Variants in USP32 observed in about 807,000 individuals in gnomAD.
The protein encoded by USP32 is ubiquitin carboxyl-terminal hydrolase 32.
USP32 carries 59 observed loss-of-function variants against 204.8 expected under a neutral mutation model. The ratio of observed to expected loss-of-function variants is 0.29; its 90% CI spans 0.23 to 0.36. The LOEUF (loss-of-function observed/expected upper bound fraction) is 0.36. USP32 is among the 10% of genes least tolerant of loss of function. The probability of loss-of-function intolerance (pLI) is 1.00; values close to 1 mark genes in which losing one functional copy is unlikely to be tolerated. For missense variants in USP32, 1,160 were observed against 1,946.4 expected (o/e 0.60, Z 7.60); for synonymous variants, 517 against 678.4 (o/e 0.76, Z 3.70).
chr17:60,322,002 T>C (rs79029332), intron 2 of USP32, among the ~76,000 whole-genome samples: 3,201 of 151,912 alleles, frequency 0.021, 133 homozygotes, highest in African/African-American at 0.073. Flanking sequence ...GAAAACTTAA[T>C]AAACAGAAAT....
intron 1 of USP32, among the ~76,000 whole-genome samples, chr17:60,368,085 A>C: frequency 6.6e-6 from 1 of 152,176 alleles, no homozygotes; most frequent in East Asian, 1.9e-4. Context: ...CCAATTCCCC[A>C]CAGACACCAA....
At chr17:60,226,360 A>G (rs895433149) in intron 12 of USP32, 129 bp from the exon 13 acceptor site, 3 of 735,234 alleles carry the variant, frequency 4.1e-6, no homozygotes, top group African/African-American at 1.9e-5. Flanking sequence ...ATTTAAAAAC[A>G]TTCTAATACA....
At chr17:60,363,531 T>G (rs956512148) in intron 1 of USP32, among the ~76,000 whole-genome samples, 4 of 146,038 alleles carry the variant, frequency 2.7e-5, no homozygotes, top group African/African-American at 1.0e-4. Context: ...AAAAAAAAAA[T>G]TTGAGACAGG....
At chr17:60,411,173 A>G (rs1177104890) in intron 1 of USP32, among the ~76,000 whole-genome samples, 2 of 152,088 alleles carry the variant, frequency 1.3e-5, no homozygotes, top group African/African-American at 2.4e-5. Context: ...TGCTAAAAAT[A>G]CAAAATTAGC....
At chr17:60,204,010 T>A (rs922167627) in intron 26 of USP32, among the ~76,000 whole-genome samples, 8 of 152,232 alleles carry the variant, frequency 5.3e-5, no homozygotes, top group Non-Finnish European at 8.8e-5. Flanking sequence ...GTTGCCACTA[T>A]ACCCGAAGAC....
At chr17:60,236,074 G>T in intron 12 of USP32, 64 bp downstream of exon 12, 2 of 1,289,552 alleles carry the variant, frequency 1.6e-6, no homozygotes, top group African/African-American at 1.5e-5. Context: ...TTTTATTATT[G>T]GCTGGAAGTC....
intron 2 of USP32, among the ~76,000 whole-genome samples, chr17:60,312,922 T>C (rs2087888928): frequency 6.6e-6 from 1 of 152,164 alleles, no homozygotes; most frequent in Admixed American, 6.6e-5. Flanking sequence ...TACTTACTAC[T>C]GATAAAATTT....
chr17:60,288,113 C>CAAA lies in USP32; in HGVS notation c.571+407_571+409dup, dbSNP rs1045323566. Among the ~76,000 whole-genome samples the CAAA allele has an allele frequency of 4.8e-4, 14 of 29,448 alleles. 1 individual carries two copies. The highest frequency in any genetic ancestry group is 5.9e-4 in the African/African-American group (8 of 13,640). The allele number at this position is 29,448 out of a possible 152,430, so 19.3% of individuals were successfully genotyped here. A position where few individuals can be genotyped will look rare whatever the true frequency, so the allele number is the denominator to read the frequency against. On this transcript the variant is annotated intron_variant, in intron 5 of 33. Coordinates refer to ENST00000300896, the MANE Select transcript of USP32 (RefSeq NM_032582.4). ...TGGGCAACAGAGGGAGACTTCGTCT[C>CAAA]AAAAAAAAAAAAAAAAAAAAAAAAA...
chr17:60,299,986 A>C (rs545484630), intron 3 of USP32, among the ~76,000 whole-genome samples: 5 of 152,064 alleles, frequency 3.3e-5, no homozygotes, highest in Non-Finnish European at 7.4e-5. Context: ...AACCCTCATG[A>C]CCTAATCACC....
At position 60,392,025 on chromosome 17, in the gene USP32, G is replaced by T; in HGVS notation, c.-86C>A. On this transcript the variant is annotated 5_prime_UTR_variant, in exon 1 of 34. Transcript: ENST00000300896. ...CTTCTCCTCGGCGTCCCTGGGTGAC[G>T]GTGACGGTGTCGGCGTCCCCCGCCC... The T allele has an allele frequency of 6.8e-7, 1 of 1,464,692 alleles. No homozygotes were observed. Among genetic ancestry groups the T allele is most frequent in the South Asian group, 1.2e-5 (1 of 80,850 alleles). The allele number at this position is 1,464,692 out of a possible 1,614,324, so 90.7% of individuals were successfully genotyped here. A position where few individuals can be genotyped will look rare whatever the true frequency, so the allele number is the denominator to read the frequency against.
intron 12 of USP32, among the ~76,000 whole-genome samples, chr17:60,228,495 CTTTTTCTTTTTTTT>C (rs1477272164): frequency 1.5e-5 from 2 of 135,786 alleles, no homozygotes; most frequent in Non-Finnish European, 3.1e-5. Context: ...TTTCTTTTTT[CTTTTTCTTTTTTTT>C]TTTTTTTTTA....
intron 25 of USP32, among the ~76,000 whole-genome samples, 184 bp downstream of exon 25, chr17:60,206,837 A>G (rs1279451759): frequency 2.0e-5 from 3 of 152,150 alleles, no homozygotes; most frequent in Admixed American, 2.0e-4. Context: ...AACTGAAGTC[A>G]CTTGGGTTCT....
At chr17:60,327,587 C>A (rs1567854387) in intron 2 of USP32, among the ~76,000 whole-genome samples, 1 of 151,996 alleles carries the variant, frequency 6.6e-6, no homozygotes, top group South Asian at 2.1e-4. Flanking sequence ...AGGGGCCCAG[C>A]GAGGACATGG....
chr17:60,221,433 T>C (rs2085243458), intron 15 of USP32, among the ~76,000 whole-genome samples: 2 of 152,128 alleles, frequency 1.3e-5, no homozygotes, highest in African/African-American at 4.8e-5. Context: ...TAACGTACCA[T>C]ATCTCATCTA....
intron 1 of USP32, among the ~76,000 whole-genome samples, chr17:60,352,057 G>A (rs951117339): frequency 6.6e-6 from 1 of 152,206 alleles, no homozygotes; most frequent in Non-Finnish European, 1.5e-5. Flanking sequence ...CAGGGTATAA[G>A]AAGCAGAGTT....
At chr17:60,314,422 G>A (rs1242540048) in intron 2 of USP32, among the ~76,000 whole-genome samples, 1 of 151,830 alleles carries the variant, frequency 6.6e-6, no homozygotes, top group East Asian at 1.9e-4. Context: ...GGATTACAGG[G>A]GTGAGTCACT....
At chr17:60,220,926 G>A (rs1190865439) in intron 15 of USP32, among the ~76,000 whole-genome samples, 1 of 152,048 alleles carries the variant, frequency 6.6e-6, no homozygotes, top group Non-Finnish European at 1.5e-5. Context: ...GGGATTACAG[G>A]CGTGAGCCAC....
chr17:60,211,745 T>C (rs575765925), intron 19 of USP32, among the ~76,000 whole-genome samples: 1 of 152,184 alleles, frequency 6.6e-6, no homozygotes, highest in South Asian at 2.1e-4. Context: ...TTCTTTTTAA[T>C]TGCTATGATT....
intron 29 of USP32, 66 bp from the exon 30 acceptor site, chr17:60,185,717 TG>T: frequency 6.5e-7 from 1 of 1,531,350 alleles, no homozygotes; most frequent in East Asian, 2.3e-5. Context: ...GATCTAGGTA[TG>T]CATCAACCTC....
Sources: allele counts gnomAD v4.1 joint callset (sites outside exome capture counted in the v4.1 genomes callset), GRCh38; gene constraint gnomAD v4.1.1; transcripts MANE v1.5; gene names NCBI Gene and HGNC (gene_info 2026-07-23, HGNC 2026-07-21).